The following PGAM1 variants were observed in gnomAD, a reference collection of about 807,000 sequenced individuals.
PGAM1 encodes phosphoglycerate mutase 1.
In PGAM1, 21 loss-of-function variants were observed where a neutral mutation model predicts 23.5. That is an observed-to-expected ratio of 0.89 (90% CI 0.63 to 1.29). The LOEUF (loss-of-function observed/expected upper bound fraction) is 1.29, where lower values mean the gene tolerates loss of function less well. Ranked by LOEUF, PGAM1 falls within the 50% of genes most tolerant of loss-of-function variation. The pLI, the probability that PGAM1 is intolerant of heterozygous loss-of-function variation, is 0.00. For missense variants in PGAM1, 232 were observed against 336.3 expected, an observed-to-expected ratio of 0.69 and a Z score of 2.42; for synonymous variants, 109 against 128.6, an observed-to-expected ratio of 0.85 and a Z score of 1.03.
At position 97,430,595 on chromosome 10, in the gene PGAM1, A is replaced by G; in HGVS notation, c.356A>G (p.Tyr119Cys). 6.9e-6 allele frequency: 11 copies of G among 1,602,064 alleles called. No homozygotes were observed. The highest frequency in any genetic ancestry group is 6.7e-5 in the East Asian group (3 of 44,872). Residue 119 changes from tyrosine (Y) to cysteine (C), a missense_variant, in exon 2 of 4, where the codon TAT becomes TGT. Transcript: ENST00000334828. Reference sequence around the variant, plus strand: ...CAGGTGAAGATCTGGAGGCGCTCCTATGATGTCCCACCACCTCCGATGGAG... The same window carrying G: ...CAGGTGAAGATCTGGAGGCGCTCCTGTGATGTCCCACCACCTCCGATGGAG... ...EAQVKIWRRS[Y>C]DVPPPPMEPD...
At chr10:97,430,715 C>T (rs556484796) in intron 2 of PGAM1, 62 bp downstream of exon 2, 21 of 1,596,262 alleles carry the variant, frequency 1.3e-5, no homozygotes, top group Non-Finnish European at 1.7e-5. Context: ...TAGTGTCTGC[C>T]TAATCTCACT....
At chr10:97,430,248 A>T in intron 1 of PGAM1, 131 bp from the exon 2 acceptor site, 1 of 1,102,312 alleles carries the variant, frequency 9.1e-7, no homozygotes, top group Non-Finnish European at 1.4e-6. Context: ...TAAACAAAAC[A>T]GTTGGCCAAA....
At chr10:97,432,045 G>C (rs925441791) in intron 3 of PGAM1, among the ~76,000 whole-genome samples, 3 of 152,138 alleles carry the variant, frequency 2.0e-5, no homozygotes, top group Non-Finnish European at 4.4e-5. Context: ...GGCTGTACAG[G>C]GTATTTGAGA....
chr10:97,427,837 G>T (rs907376261), intron 1 of PGAM1: 2 of 1,289,406 alleles, frequency 1.6e-6, no homozygotes, highest in Non-Finnish European at 2.0e-6. Context: ...GGTCATTGAT[G>T]AGGCACAGGT....
chr10:97,430,402 T>A lies in PGAM1; in HGVS notation c.163T>A (p.Cys55Ser). Reference protein sequence around the residue: ...LRDAGYEFDICFTSVQKRAIR... With the variant: ...LRDAGYEFDISFTSVQKRAIR... ...AGATGCTGGCTATGAGTTTGACATC[T>A]GCTTCACCTCAGTGCAGAAGAGAGC... The change falls in exon 2 of 4, where the codon TGC becomes AGC. Residue 55 changes from cysteine (C) to serine (S), a missense_variant. Physicochemically the swap from Cys to Ser is moderately radical, Grantham distance 112 (BLOSUM62 -1). Coordinates refer to ENST00000334828, the MANE Select transcript of PGAM1 (RefSeq NM_002629.4). The A allele has an allele frequency of 6.2e-7, 1 of 1,611,752 alleles. No individual in the cohort carries two copies. The highest frequency in any genetic ancestry group is 1.3e-5 in the African/African-American group (1 of 74,996).
At chr10:97,430,020 T>A (rs1489815618) in intron 1 of PGAM1, among the ~76,000 whole-genome samples, 3 of 131,940 alleles carry the variant, frequency 2.3e-5, no homozygotes, top group Non-Finnish European at 4.6e-5. Context: ...CACTCCAGCC[T>A]GGGTGACAGT....
intron 1 of PGAM1, chr10:97,427,350 T>C: frequency 3.0e-6 from 3 of 992,576 alleles, no homozygotes; most frequent in Non-Finnish European, 3.6e-6. Context: ...ATTCCACAAA[T>C]AGTGTGTCCA....
intron 3 of PGAM1, among the ~76,000 whole-genome samples, chr10:97,431,533 A>G (rs866720070): frequency 2.6e-5 from 4 of 152,310 alleles, no homozygotes; most frequent in Middle Eastern, 6.8e-3. Flanking sequence ...TAATTGCAAC[A>G]TTTTGGGAGG....
chr10:97,430,506 G>A lies in PGAM1; in HGVS notation c.267G>A (p.Glu89=). The change falls in exon 2 of 4, where the codon GAG becomes GAA. Residue 89 remains glutamate (E), a synonymous_variant. Transcript: ENST00000334828. The stretch of plus-strand genomic sequence containing the variant: ...TGGTGAGGACTTGGCGCCTCAATGA[G>A]CGGCACTATGGGGGTCTAACCGGTC... ...LPVVRTWRLN[E]RHYGGLTGLN... 1 of 1,601,506 alleles carries A rather than the reference G, an allele frequency of 6.2e-7. No homozygotes were observed. The highest frequency in any genetic ancestry group is 2.2e-5 in the East Asian group (1 of 44,864).
chr10:97,426,943 A>G (rs1845416789), intron 1 of PGAM1, among the ~76,000 whole-genome samples: 1 of 152,230 alleles, frequency 6.6e-6, no homozygotes, highest in Admixed American at 6.5e-5. Flanking sequence ...CTGAAGCAGG[A>G]GAATCGCTTG....
intron 1 of PGAM1, among the ~76,000 whole-genome samples, chr10:97,429,142 C>T (rs958954210): frequency 1.8e-4 from 22 of 121,796 alleles, no homozygotes; most frequent in South Asian, 5.5e-4. Context: ...CTCGCTCTAT[C>T]GCCCAGACTG....
rs1277505986 is a variant in PGAM1, at chr10:97,433,339, G to A, written c.*815G>A. On this transcript the variant is annotated 3_prime_UTR_variant, in exon 4 of 4. Transcript: ENST00000334828. Reference sequence around the variant, plus strand: ...TATCTTTCACTGATTTCTGAATCATGTTCTAGTTGCTTGACCCTGCCACAT... The same window carrying A: ...TATCTTTCACTGATTTCTGAATCATATTCTAGTTGCTTGACCCTGCCACAT... The A allele has an allele frequency of 4.6e-5, 7 of 152,070 alleles. No homozygotes were observed. Among genetic ancestry groups the A allele is most frequent in the African/African-American group, 1.5e-4 (6 of 41,242 alleles). The allele number at this position is 152,070 out of a possible 1,614,324, so 9.4% of individuals were successfully genotyped here.
In PGAM1 at chr10:97,426,205, G is replaced by A; in HGVS notation, c.-103G>A. On this transcript the variant is annotated 5_prime_UTR_variant, in exon 1 of 4. Coordinates refer to ENST00000334828, the MANE Select transcript of PGAM1 (RefSeq NM_002629.4). ...AAGATTTGGGCGAGAACTTGCGCGG[G>A]AGCCGGACTGAGCGGTGCGAGCGCG... is the stretch of plus-strand genomic sequence containing the variant. 1.3e-6 allele frequency: 2 copies of A among 1,551,716 alleles called. No homozygotes were observed. The highest frequency in any genetic ancestry group is 1.8e-6 in the Non-Finnish European group (2 of 1,132,506).
chr10:97,426,493 T>G (rs1250593479), intron 1 of PGAM1, 47 bp downstream of exon 1: 3 of 1,512,262 alleles, frequency 2.0e-6, no homozygotes, highest in Non-Finnish European at 1.8e-6. Context: ...GTGTCCGGCC[T>G]CGGAGGCCGC....
At position 97,426,302 on chromosome 10, in the gene PGAM1, G is replaced by A. The variant is rs775434665; in HGVS notation, c.-6G>A. Reference sequence around the variant, plus strand: ...CCAGTCGGTGCCGCATCCCCAGCCCGCCGCCATGGCCGCCTACAAACTGGT... The same window carrying A: ...CCAGTCGGTGCCGCATCCCCAGCCCACCGCCATGGCCGCCTACAAACTGGT... On this transcript the variant is annotated 5_prime_UTR_variant, in exon 1 of 4. Coordinates refer to ENST00000334828, the MANE Select transcript of PGAM1 (RefSeq NM_002629.4). 12 of 1,609,918 alleles carry A rather than the reference G, an allele frequency of 7.5e-6. No individual in the cohort carries two copies. The highest frequency in any genetic ancestry group is 1.0e-5 in the Non-Finnish European group (12 of 1,179,186).
chr10:97,430,824 CTTTT>C, intron 2 of PGAM1, 127 bp from the exon 3 acceptor site: 1 of 1,484,528 alleles, frequency 6.7e-7, no homozygotes, highest in Non-Finnish European at 9.3e-7. Context: ...TTACTATCTC[CTTTT>C]TTGTGTTTCC....
intron 3 of PGAM1, 112 bp from the exon 4 acceptor site, chr10:97,432,243 G>T: frequency 7.2e-7 from 1 of 1,382,620 alleles, no homozygotes; most frequent in Middle Eastern, 2.5e-4. Flanking sequence ...ATCAGAAAGG[G>T]TGTCTTATTT....
intron 1 of PGAM1, among the ~76,000 whole-genome samples, chr10:97,426,805 G>GGGT (rs937414384): frequency 1.3e-5 from 2 of 152,082 alleles, no homozygotes; most frequent in African/African-American, 4.8e-5. Flanking sequence ...AGGCCGAGGC[G>GGGT]GGTGGATCAC....
rs764724656 is a variant in PGAM1, at chr10:97,426,282, C to G, written c.-26C>G. On this transcript the variant is annotated 5_prime_UTR_variant, in exon 1 of 4. Transcript: ENST00000334828. ...TACTCCGGAATCTGCTAATCCCAGT[C>G]GGTGCCGCATCCCCAGCCCGCCGCC... 19 of 1,609,686 alleles carry G rather than the reference C, an allele frequency of 1.2e-5. No individual in the cohort carries two copies. In the East Asian group the frequency reaches 4.2e-4, roughly 36 times the overall value.
Sources: gnomAD v4.1 joint callset for allele counts (sites outside exome capture counted in the v4.1 genomes callset) on GRCh38, gnomAD v4.1.1 for gene constraint, MANE v1.5 for transcripts, NCBI Gene and HGNC (gene_info 2026-07-23, HGNC 2026-07-21) for gene names.